The following LATS2 variants were observed in gnomAD, a reference collection of about 807,000 sequenced individuals.
LATS2 encodes serine/threonine-protein kinase LATS2.
In LATS2, 24 loss-of-function variants were observed where a neutral mutation model predicts 76.0. The ratio of observed to expected loss-of-function variants is 0.32; its 90% confidence interval spans 0.23 to 0.44. The LOEUF is 0.44. Ranked by LOEUF, LATS2 falls within the 20% of genes least tolerant of loss-of-function variation. LATS2 has a pLI of 1.00. For missense variants in LATS2, 1,286 were observed against 1,481.2 expected (o/e 0.87, Z 2.16); for synonymous variants, 692 against 635.4 (o/e 1.09, Z -1.34).
Position 21,043,220 on chromosome 13 carries a change from C to T in LATS2, c.342+2465G>A, listed in dbSNP as rs116806672. Among the ~76,000 whole-genome samples the T allele has an allele frequency of 9.8e-3, 1,484 of 151,830 alleles. 28 individuals are homozygous for T. The highest frequency in any genetic ancestry group is 0.034 in the African/African-American group (1,410 of 41,378). On this transcript the variant is annotated intron_variant, in intron 2 of 7. Coordinates refer to ENST00000382592, the MANE Select transcript of LATS2 (RefSeq NM_014572.3). ...AGGCGTGGTGTTGCGTGCCTGTAAT[C>T]GCAGCTACATGGGAAGCTGAGGCAG...
intron 1 of LATS2, among the ~76,000 whole-genome samples, chr13:21,059,786 G>A (rs1873567608): frequency 6.6e-6 from 1 of 152,094 alleles, no homozygotes; most frequent in Non-Finnish European, 1.5e-5. Flanking sequence ...GGCCAACACG[G>A]CGAAACCCGT....
chr13:20,987,047 T>C (rs1337219775), intron 4 of LATS2, among the ~76,000 whole-genome samples: 1 of 151,790 alleles, frequency 6.6e-6, no homozygotes, highest in Non-Finnish European at 1.5e-5. Context: ...CACAAAAAAA[T>C]GGCCAGGCGT....
At chr13:20,998,981 T>C (rs894169013) in intron 2 of LATS2, among the ~76,000 whole-genome samples, 7 of 151,472 alleles carry the variant, frequency 4.6e-5, no homozygotes, top group Non-Finnish European at 7.4e-5. Context: ...CACGACCTTG[T>C]CCACGCAGGA....
intron 1 of LATS2, among the ~76,000 whole-genome samples, chr13:21,060,377 C>G (rs890810463): frequency 6.6e-5 from 10 of 152,250 alleles, no homozygotes; most frequent in Non-Finnish European, 1.3e-4. Flanking sequence ...CCAAACCCCC[C>G]ACACGTCGCT....
At chr13:21,049,070 A>G (rs1360717608) in intron 1 of LATS2, among the ~76,000 whole-genome samples, 1 of 152,206 alleles carries the variant, frequency 6.6e-6, no homozygotes, top group Non-Finnish European at 1.5e-5. Context: ...AATTCCAGCT[A>G]GAGGGAACAG....
Position 21,017,327 on chromosome 13 carries a change from C to A in LATS2, c.343-25923G>T, listed in dbSNP as rs552052608. On this transcript the variant is annotated intron_variant, in intron 2 of 7. Coordinates refer to ENST00000382592, the MANE Select transcript of LATS2 (RefSeq NM_014572.3). ...TTCCCTTACATAGAGGTGATGCAAT[C>A]CTTTTTCTTTTTTTTGTTTTTAATT... Among the ~76,000 whole-genome samples, 8 of 152,236 alleles carry A rather than the reference C, an allele frequency of 5.3e-5. No individual in the cohort carries two copies. In the East Asian group the frequency reaches 1.5e-3, roughly 29 times the overall value.
chr13:21,059,536 A>G (rs1485113422), intron 1 of LATS2, among the ~76,000 whole-genome samples: 1 of 152,170 alleles, frequency 6.6e-6, no homozygotes, highest in Non-Finnish European at 1.5e-5. Flanking sequence ...GCGAGGTTGC[A>G]GTGAGCCGAG....
chr13:21,050,125 C>CAGATAGAT (rs1555228130), intron 1 of LATS2, among the ~76,000 whole-genome samples: 4 of 69,806 alleles, frequency 5.7e-5, no homozygotes, highest in Admixed American at 1.9e-4. Context: ...GTCTCATAGA[C>CAGATAGAT]AGATAGATAG....
chr13:20,978,910 C>CTCAGGTGT (rs1249067965), intron 7 of LATS2, among the ~76,000 whole-genome samples: 1 of 152,096 alleles, frequency 6.6e-6, no homozygotes, highest in Admixed American at 6.5e-5. Context: ...TACAGGTGCA[C>CTCAGGTGT]ACCACCATGA....
chr13:21,030,251 A>G (rs575668924), intron 2 of LATS2, among the ~76,000 whole-genome samples: 3 of 152,196 alleles, frequency 2.0e-5, no homozygotes, highest in African/African-American at 4.8e-5. Context: ...TATCCAAACT[A>G]TATCAACAAT....
chr13:21,002,353 AT>A (rs1871088040), intron 2 of LATS2, among the ~76,000 whole-genome samples: 1 of 151,324 alleles, frequency 6.6e-6, no homozygotes, highest in Non-Finnish European at 1.5e-5. Flanking sequence ...CTTTTAAAAA[AT>A]TAACTAACTA....
At chr13:21,045,620 A>G in intron 2 of LATS2, 65 bp downstream of exon 2, 1 of 1,333,572 alleles carries the variant, frequency 7.5e-7, no homozygotes, top group Non-Finnish European at 1.0e-6. Flanking sequence ...TTGCCAAACC[A>G]TTCTGACTGC....
chr13:21,040,413 A>G (rs1283804977), intron 2 of LATS2, among the ~76,000 whole-genome samples: 1 of 149,842 alleles, frequency 6.7e-6, no homozygotes, highest in East Asian at 1.9e-4. Flanking sequence ...AAAAAGAAAG[A>G]AATGTCTTTG....
intron 4 of LATS2, among the ~76,000 whole-genome samples, chr13:20,985,319 A>G (rs1449104827): frequency 6.6e-6 from 1 of 152,240 alleles, no homozygotes; most frequent in Admixed American, 6.5e-5. Context: ...CAACAGAGTA[A>G]AGAGGATACC....
intron 2 of LATS2, among the ~76,000 whole-genome samples, chr13:21,045,408 G>C (rs1873034470): frequency 6.6e-6 from 1 of 152,144 alleles, no homozygotes; most frequent in South Asian, 2.1e-4. Context: ...CACAAGAACA[G>C]ATCAGAAAAT....
intron 2 of LATS2, among the ~76,000 whole-genome samples, chr13:21,016,823 A>G (rs766421693): frequency 5.1e-4 from 78 of 152,186 alleles, no homozygotes; most frequent in Non-Finnish European, 1.1e-3. Flanking sequence ...ATAAAACTCC[A>G]CACAACACCT....
At chr13:21,047,864 T>C (rs948407169) in intron 1 of LATS2, among the ~76,000 whole-genome samples, 2 of 152,174 alleles carry the variant, frequency 1.3e-5, no homozygotes, top group African/African-American at 4.8e-5. Context: ...GGGAAGGGGA[T>C]TGTAAGCGTT....
chr13:20,993,937 T>C (rs1158888833), intron 2 of LATS2, among the ~76,000 whole-genome samples: 1 of 152,162 alleles, frequency 6.6e-6, no homozygotes, highest in African/African-American at 2.4e-5. Flanking sequence ...GCACTAACCG[T>C]TCAATTGCTT....
intron 4 of LATS2, among the ~76,000 whole-genome samples, chr13:20,986,246 C>T (rs1283460077): frequency 1.3e-5 from 2 of 152,158 alleles, no homozygotes; most frequent in Admixed American, 6.5e-5. Flanking sequence ...AACTACCATA[C>T]AATCTACCAA....
Sources: allele counts gnomAD v4.1 joint callset (sites outside exome capture counted in the v4.1 genomes callset), GRCh38; gene constraint gnomAD v4.1.1; transcripts MANE v1.5; gene names NCBI Gene and HGNC (gene_info 2026-07-23, HGNC 2026-07-21).